The following SPDL1 variants were observed in gnomAD, a reference collection of about 807,000 sequenced individuals.
SPDL1 encodes the protein spindle apparatus coiled-coil protein 1.
Under a neutral mutation model 79.5 loss-of-function variants are expected in SPDL1, and 85 were observed. The ratio of observed to expected loss-of-function variants is 1.07; its 90% CI spans 0.90 to 1.28. The LOEUF is 1.28. Among genes scored for constraint, SPDL1 ranks in the 50% most tolerant of loss-of-function variants. The pLI is 0.00. For synonymous variants in SPDL1, 269 were observed against 240.3 expected, an observed-to-expected ratio of 1.12 and a Z score of -1.10; for missense variants, 703 against 697.8, an observed-to-expected ratio of 1.01 and a Z score of -0.08.
rs377491752 is a variant in SPDL1 at position 169,600,170 on chromosome 5, C to T, written c.1324+1011C>T. On this transcript the variant is annotated intron_variant, in intron 10 of 11. Transcript: ENST00000265295. The stretch of plus-strand genomic sequence containing the variant: ...AGGATTCTCAACAAGTTTTTGTCCC[C>T]GCACTCTGCACATGCCTCAGTCTCT... Among the ~76,000 whole-genome samples, 34 of 152,246 alleles carry T rather than the reference C, an allele frequency of 2.2e-4. No homozygotes were observed. In the East Asian group the frequency reaches 3.3e-3, roughly 15 times the overall value.
rs1755748970 is a variant in SPDL1, at chr5:169,599,063, C to G, written c.1228C>G (p.Leu410Val). Residue 410 changes from leucine (L) to valine (V), a missense_variant, in exon 10 of 12, where the codon CTT becomes GTT. By Grantham distance (32) the Leu-to-Val change is conservative (BLOSUM62 1). Transcript: ENST00000265295. ...GCGGGCTCTAGATATTGAGCGAAAA[C>G]TTTTTGCAAATGAAAGATGCCTCCA... ...SQRALDIERK[L>V]FANERCLQLS... The G allele has an allele frequency of 6.2e-7, 1 of 1,602,478 alleles. No individual in the cohort carries two copies. The highest frequency in any genetic ancestry group is 8.5e-7 in the Non-Finnish European group (1 of 1,171,518).
intron 8 of SPDL1, among the ~76,000 whole-genome samples, chr5:169,598,043 A>G (rs1294964613): frequency 6.6e-6 from 1 of 152,148 alleles, no homozygotes; most frequent in Non-Finnish European, 1.5e-5. Flanking sequence ...GGTGGGGGGA[A>G]GAATCTCAGA....
intron 1 of SPDL1, 35 bp from the exon 2 acceptor site, chr5:169,588,359 A>C: frequency 3.5e-6 from 5 of 1,425,832 alleles, no homozygotes; most frequent in Non-Finnish European, 4.8e-6. Context: ...AGTTTTTTGT[A>C]TAAGCTTAAG....
intron 3 of SPDL1, 47 bp from the exon 4 acceptor site, chr5:169,593,307 G>C (rs55681815): frequency 4.0e-6 from 6 of 1,481,540 alleles, no homozygotes; most frequent in Non-Finnish European, 4.5e-6. Context: ...ATTGTTTTTA[G>C]AAAGAAAATA....
At chr5:169,584,365 CT>C (rs1375962628) in intron 1 of SPDL1, among the ~76,000 whole-genome samples, 1 of 152,056 alleles carries the variant, frequency 6.6e-6, no homozygotes, top group African/African-American at 2.4e-5. Context: ...ATGATGGCTC[CT>C]AGAACATTTA....
Position 169,596,628 on chromosome 5 carries a change from T to C in SPDL1, c.959T>C (p.Leu320Pro). ...GAATTTGAGCAGCAGGAACGGTTGC[T>C]TGCCATGTTGGAGCAGAAGAATGGT... is the stretch of plus-strand genomic sequence containing the variant. ...QTEFEQQERL[L>P]AMLEQKNGEI... is the part of the protein sequence containing the mutation. The change falls in exon 8 of 12, where the codon CTT becomes CCT. Residue 320 changes from leucine (L) to proline (P), a missense_variant. Leu to Pro is a moderately conservative substitution (Grantham distance 98). Transcript: ENST00000265295. 1 of 1,608,620 alleles carries C rather than the reference T, an allele frequency of 6.2e-7. No homozygotes were observed. The highest frequency in any genetic ancestry group is 8.5e-7 in the Non-Finnish European group (1 of 1,178,420).
At chr5:169,598,237 G>A (rs1755691479) in intron 8 of SPDL1, among the ~76,000 whole-genome samples, 1 of 152,176 alleles carries the variant, frequency 6.6e-6, no homozygotes, top group Non-Finnish European at 1.5e-5. Context: ...AGTCAGATTT[G>A]GGTTCAGGTT....
At chr5:169,599,809 G>A (rs1038194044) in intron 10 of SPDL1, among the ~76,000 whole-genome samples, 2 of 152,210 alleles carry the variant, frequency 1.3e-5, no homozygotes, top group African/African-American at 4.8e-5. Context: ...AGGCGTGGTG[G>A]CTCGTGCCTG....
chr5:169,594,887 T>C (rs575213445), intron 7 of SPDL1, among the ~76,000 whole-genome samples: 52 of 152,358 alleles, frequency 3.4e-4, no homozygotes, highest in African/African-American at 1.2e-3. Context: ...AGTAATAGTA[T>C]ATTTAGCAAT....
intron 10 of SPDL1, among the ~76,000 whole-genome samples, chr5:169,600,460 G>C (rs912301202): frequency 6.6e-6 from 1 of 152,144 alleles, no homozygotes; most frequent in Non-Finnish European, 1.5e-5. Flanking sequence ...AGAAAAAGGG[G>C]AAATCATGGT....
At position 169,598,529 on chromosome 5, in the gene SPDL1, A is replaced by G. The variant is rs757330140; in HGVS notation, c.1086A>G (p.Glu362=). 1 of 1,613,234 alleles carries G rather than the reference A, an allele frequency of 6.2e-7. No homozygotes were observed. The highest frequency in any genetic ancestry group is 1.3e-5 in the African/African-American group (1 of 74,884). ...CTTCAGTCGACTCTGGTACTCTGGA[A>G]GATAACACCTATTATACAGATTTAC... The part of the protein sequence containing the change: ...SKPSVDSGTL[E]DNTYYTDLLQ... Residue 362 remains glutamate, a synonymous_variant, in exon 9 of 12, where the codon GAA becomes GAG. Transcript: ENST00000265295.
chr5:169,599,146 A>C lies in SPDL1; in HGVS notation c.1311A>C (p.Lys437Asn). The change falls in exon 10 of 12, where the codon AAA (lysine) becomes AAC (asparagine). Residue 437 changes from lysine to asparagine, a missense_variant. Transcript: ENST00000265295. ...LRAKLDELKL[K>N]YEPEETVEVP... ...CTAAACTAGATGAATTGAAACTAAA[A>C]TATGAACCTGAAGGTATATATGTCT... The C allele has an allele frequency of 1.3e-6, 2 of 1,535,804 alleles. No homozygotes were observed. Among genetic ancestry groups the C allele is most frequent in the South Asian group, 2.4e-5 (2 of 83,818 alleles).
intron 3 of SPDL1, among the ~76,000 whole-genome samples, chr5:169,592,897 T>G (rs1016869415): frequency 7.9e-5 from 12 of 151,760 alleles, no homozygotes; most frequent in African/African-American, 2.9e-4. Context: ...ATGCCAAAAT[T>G]TGGATTTTTT....
At position 169,588,488 on chromosome 5, in the gene SPDL1, A is replaced by C. The variant is rs1321975746; in HGVS notation, c.72A>C (p.Ala24=). ...KEAEEERLKA[A]QYGLQLVESQ... ...CTGAAGAAGAGCGACTAAAAGCTGC[A>C]CAGTATGGTTTACAACTAGTAGAGA... The change falls in exon 2 of 12, where the codon GCA becomes GCC. Residue 24 remains alanine, a synonymous_variant. Transcript: ENST00000265295. 6.2e-7 allele frequency: 1 copy of C among 1,614,044 alleles called. No homozygotes were observed.
At chr5:169,603,865 T>C (rs750998330) in intron 11 of SPDL1, among the ~76,000 whole-genome samples, 195 bp from the exon 12 acceptor site, 2 of 152,100 alleles carry the variant, frequency 1.3e-5, no homozygotes, top group Admixed American at 6.5e-5. Context: ...AAAGTAATAA[T>C]AACAATAATT....
Position 169,594,299 on chromosome 5 carries a change from T to C in SPDL1, c.681+5T>C. 1 of 1,613,484 alleles carries C rather than the reference T, an allele frequency of 6.2e-7. No homozygotes were observed. Among genetic ancestry groups the C allele is most frequent in the Non-Finnish European group, 8.5e-7 (1 of 1,179,672 alleles). On this transcript the variant is annotated splice_donor_5th_base_variant and intron_variant, in intron 5 of 11. Transcript: ENST00000265295. ...TCTTACTATAATGCCCTAGAGGTAC[T>C]ATGATTACAGTAACATCATGTTTTC...
Position 169,598,430 on chromosome 5 carries a change from T to A in SPDL1, c.1033-46T>A, listed in dbSNP as rs779116868. ...TATTATTAATAAACATACACTAACC[T>A]TATTTGTTATTTATTTTAAGTAATA... On this transcript the variant is annotated intron_variant, in intron 8 of 11. Coordinates refer to ENST00000265295, the MANE Select transcript of SPDL1 (RefSeq NM_017785.5). 2.0e-5 allele frequency: 24 copies of A among 1,218,214 alleles called. No homozygotes were observed. In the African/African-American group the frequency reaches 3.5e-4, roughly 18 times the overall value. 75.5% of individuals were successfully genotyped at this position (1,218,214 alleles called of 1,614,324 possible). A position where few individuals can be genotyped will look rare whatever the true frequency, so the allele number is the denominator to read the frequency against.
rs1755999973 is a variant in SPDL1, at chr5:169,602,743, A to G, written c.1670+1118A>G. Among the ~76,000 whole-genome samples, 4 of 152,216 alleles carry G rather than the reference A, an allele frequency of 2.6e-5. No individual in the cohort carries two copies. The South Asian group carries it at 8.3e-4, about 31-fold the overall frequency. Reference sequence around the variant, plus strand: ...TACTCCCTCCTTGGATTTTTATAGAATGTTATAACCTCTGAGTCACATAAA... The same window carrying G: ...TACTCCCTCCTTGGATTTTTATAGAGTGTTATAACCTCTGAGTCACATAAA... On this transcript the variant is annotated intron_variant, in intron 11 of 11. Transcript: ENST00000265295.
intron 11 of SPDL1, 58 bp from the exon 12 acceptor site, chr5:169,604,002 T>C: frequency 6.5e-7 from 1 of 1,539,648 alleles, no homozygotes; most frequent in Non-Finnish European, 8.7e-7. Context: ...TGGGGGTTTG[T>C]TTCTTCAATC....
Sources: gnomAD v4.1 joint callset for allele counts (sites outside exome capture counted in the v4.1 genomes callset) on GRCh38, gnomAD v4.1.1 for gene constraint, MANE v1.5 for transcripts, NCBI Gene and HGNC (gene_info 2026-07-23, HGNC 2026-07-21) for gene names.